The following DTNA variants were observed in gnomAD, a reference collection of about 807,000 sequenced individuals.
DTNA encodes the protein dystrobrevin alpha.
In DTNA, 43 loss-of-function variants were observed where a neutral mutation model predicts 100.7. The observed-to-expected ratio is 0.43, with a 90% confidence interval of 0.33 to 0.55. The LOEUF (loss-of-function observed/expected upper bound fraction) is 0.55. DTNA is among the 20% of genes least tolerant of loss of function. DTNA has a pLI of 0.04. For missense variants in DTNA, 798 were observed against 953.9 expected, an observed-to-expected ratio of 0.84 and a Z score of 2.15; for synonymous variants, 349 against 347.9, an observed-to-expected ratio of 1.00 and a Z score of -0.04.
chr18:34,495,905 G>C (rs1331802464), intron 1 of DTNA, among the ~76,000 whole-genome samples: 1 of 151,304 alleles, frequency 6.6e-6, no homozygotes. Flanking sequence ...TTATCATAGA[G>C]CTTTCACAAT....
At chr18:34,590,682 A>G (rs1378154712) in intron 1 of DTNA, among the ~76,000 whole-genome samples, 1 of 152,214 alleles carries the variant, frequency 6.6e-6, no homozygotes, top group Non-Finnish European at 1.5e-5. Context: ...AATCAAGGGT[A>G]TCTGATTTGC....
At position 34,617,857 on chromosome 18, in the gene DTNA, A is replaced by C. The variant is rs143724596; in HGVS notation, c.-2+124343A>C. Among the ~76,000 whole-genome samples, 765 of 152,336 alleles carry C rather than the reference A, an allele frequency of 5.0e-3. 6 individuals carry two copies. Among genetic ancestry groups the C allele is most frequent in the African/African-American group, 0.017 (715 of 41,582 alleles). On this transcript the variant is annotated intron_variant, in intron 1 of 19. Coordinates refer to the DTNA transcript ENST00000283365. ...TTTTGTGTGCACTGGGAAGCCAGAA[A>C]CTTTGTGTGATCCTTTCATTGTGAT...
intron 1 of DTNA, among the ~76,000 whole-genome samples, chr18:34,583,101 T>TTATAATTA: frequency 6.6e-6 from 1 of 152,340 alleles, no homozygotes; most frequent in East Asian, 1.9e-4. Flanking sequence ...AAGGAATTAT[T>TTATAATTA]TATAATTATA....
chr18:34,788,037 T>C (rs2094569369), intron 3 of DTNA, among the ~76,000 whole-genome samples: 1 of 152,220 alleles, frequency 6.6e-6, no homozygotes, highest in Admixed American at 6.5e-5. Flanking sequence ...TGCAACTGTA[T>C]AGATGAGGGA....
intron 5 of DTNA, among the ~76,000 whole-genome samples, chr18:34,809,507 C>T (rs564265131): frequency 1.3e-5 from 2 of 152,080 alleles, no homozygotes; most frequent in African/African-American, 4.8e-5. Context: ...TGATTTTCTA[C>T]GTTGCTTCTG....
chr18:34,576,617 C>A (rs1429530436), intron 1 of DTNA, among the ~76,000 whole-genome samples: 1 of 152,054 alleles, frequency 6.6e-6, no homozygotes, highest in Non-Finnish European at 1.5e-5. Context: ...TGCCGCCATG[C>A]CCGGCTAATT....
chr18:34,617,651 G>T (rs1487989259), intron 1 of DTNA, among the ~76,000 whole-genome samples: 1 of 152,130 alleles, frequency 6.6e-6, no homozygotes, highest in African/African-American at 2.4e-5. Context: ...ATGAATTAGG[G>T]AAGAGTTCCC....
chr18:34,666,722 A>G (rs1052476742), intron 1 of DTNA, among the ~76,000 whole-genome samples: 11 of 152,160 alleles, frequency 7.2e-5, no homozygotes, highest in African/African-American at 2.7e-4. Context: ...GTCAAAGATC[A>G]GATGGTTGTA....
intron 1 of DTNA, among the ~76,000 whole-genome samples, chr18:34,649,956 A>G (rs2060258494): frequency 6.6e-6 from 1 of 152,182 alleles, no homozygotes; most frequent in Non-Finnish European, 1.5e-5. Flanking sequence ...TATAAAAATG[A>G]CATGTGTTTG....
At chr18:34,743,679 T>A (rs553566388) in intron 1 of DTNA, among the ~76,000 whole-genome samples, 7 of 152,288 alleles carry the variant, frequency 4.6e-5, no homozygotes, top group African/African-American at 1.7e-4. Flanking sequence ...TGATACTTTT[T>A]AAAAATATTT....
rs1555797364 is a variant in DTNA at position 34,790,342 on chromosome 18, A to AAATATATATATATATATATTTTTTTTT, written c.149-3695_149-3694insAATATATATATATATATATTTTTTTTT. Among the ~76,000 whole-genome samples, 93 of 148,986 alleles carry AAATATATATATATATATATTTTTTTTT rather than the reference A, an allele frequency of 6.2e-4. 4 individuals carry two copies. Among genetic ancestry groups the AAATATATATATATATATATTTTTTTTT allele is most frequent in the African/African-American group, 2.1e-3 (85 of 39,896 alleles). ...ACAGAGCTCTAAGGTGGTGCATGCA[A>AAATATATATATATATATATTTTTTTTT]GGGGTATAAAACCCGGAGACAGGGT... is the stretch of plus-strand genomic sequence containing the variant. On this transcript the variant is annotated intron_variant, in intron 3 of 22. Transcript: ENST00000444659.
chr18:34,528,828 A>G (rs138697863), intron 1 of DTNA, among the ~76,000 whole-genome samples: 87 of 152,238 alleles, frequency 5.7e-4, no homozygotes, highest in Non-Finnish European at 1.0e-3. Flanking sequence ...AAAATTTGCC[A>G]TATTTACATA....
At chr18:34,693,881 T>A (rs1330465339) in intron 1 of DTNA, among the ~76,000 whole-genome samples, 1 of 151,958 alleles carries the variant, frequency 6.6e-6, no homozygotes, top group East Asian at 1.9e-4. Flanking sequence ...AAAAGGCAAC[T>A]AAAGTGATTA....
intron 1 of DTNA, among the ~76,000 whole-genome samples, chr18:34,614,748 C>G (rs998382723): frequency 1.1e-4 from 17 of 152,166 alleles, no homozygotes; most frequent in Admixed American, 7.2e-4. Context: ...TACAGATGAG[C>G]AAAGGAAGTG....
intron 7 of DTNA, 143 bp downstream of exon 7, chr18:34,816,157 C>A: frequency 1.3e-6 from 1 of 791,992 alleles, no homozygotes; most frequent in Non-Finnish European, 2.1e-6. Flanking sequence ...ACTAACCCAT[C>A]TCCCTGTTCG....
chr18:34,829,625 T>C (rs2095951846), intron 11 of DTNA, 136 bp downstream of exon 11: 4 of 933,494 alleles, frequency 4.3e-6, no homozygotes, highest in Non-Finnish European at 3.0e-6. Flanking sequence ...TTTAATGAAA[T>C]TGTGTTGAGA....
chr18:34,545,347 G>A (rs1180071596), intron 1 of DTNA, among the ~76,000 whole-genome samples: 2 of 152,070 alleles, frequency 1.3e-5, no homozygotes, highest in Non-Finnish European at 2.9e-5. Flanking sequence ...GGGGGACAAG[G>A]ATATGATGTA....
At chr18:34,739,133 T>A (rs1441739575) in intron 1 of DTNA, among the ~76,000 whole-genome samples, 3 of 152,196 alleles carry the variant, frequency 2.0e-5, no homozygotes, top group African/African-American at 7.2e-5. Context: ...TTGAGCTTTT[T>A]AAACTAAAAT....
intron 1 of DTNA, among the ~76,000 whole-genome samples, chr18:34,592,505 C>CACACACACA (rs3223433): frequency 7.0e-6 from 1 of 143,170 alleles, no homozygotes; most frequent in African/African-American, 2.5e-5. Flanking sequence ...CACACACACA[C>CACACACACA]ATTTTGTTTT....
Sources: allele counts gnomAD v4.1 joint callset (sites outside exome capture counted in the v4.1 genomes callset), GRCh38; gene constraint gnomAD v4.1.1; transcripts MANE v1.5; gene names NCBI Gene and HGNC (gene_info 2026-07-23, HGNC 2026-07-21).